GNG4: variants seen among roughly 807,000 people sequenced by gnomAD.
GNG4 encodes guanine nucleotide-binding protein G(I)/G(S)/G(O) subunit gamma-4.
GNG4 carries 4 observed loss-of-function variants against 5.8 expected under a neutral mutation model. The observed-to-expected ratio is 0.69, with a 90% CI of 0.34 to 1.57. The LOEUF (loss-of-function observed/expected upper bound fraction) is 1.57, where lower values mean the gene tolerates loss of function less well. Among genes scored for constraint, GNG4 ranks in the 40% most tolerant of loss-of-function variants. GNG4 has a pLI of 0.06. For synonymous variants in GNG4, 29 were observed against 32.9 expected, an observed-to-expected ratio of 0.88 and a Z score of 0.41; for missense variants, 96 against 95.1, an observed-to-expected ratio of 1.01 and a Z score of -0.04.
In GNG4 at chr1:235,649,311, G is replaced by A. The variant is rs1657596876; in HGVS notation, c.-123+351C>T. The stretch of plus-strand genomic sequence containing the variant: ...CGTCCCCGCTGGGAAAACAGCAAAC[G>A]CTCTGTGACCTACAAATGGAAGAGG... On this transcript the variant is annotated intron_variant, in intron 1 of 3. Transcript: ENST00000391854. This position sits in a 1 kb window ranked among gnomAD's most constrained non-coding sequence, Gnocchi z 5.7. Among the ~76,000 whole-genome samples the A allele has an allele frequency of 1.3e-5, 2 of 152,182 alleles. No individual in the cohort carries two copies. Among genetic ancestry groups the A allele is most frequent in the Non-Finnish European group, 2.9e-5 (2 of 68,022 alleles).
chr1:235,602,480 A>C (rs1688277123), intron 1 of GNG4, among the ~76,000 whole-genome samples: 1 of 152,178 alleles, frequency 6.6e-6, no homozygotes, highest in South Asian at 2.1e-4. Context: ...TGAGAAAGTG[A>C]AATACATTTC....
chr1:235,567,208 A>G (rs1356151452), intron 3 of GNG4, among the ~76,000 whole-genome samples: 1 of 152,160 alleles, frequency 6.6e-6, no homozygotes, highest in Admixed American at 6.6e-5. Context: ...TGCCAGGATT[A>G]CAGACTTGAG....
At position 235,570,862 on chromosome 1, in the gene GNG4, A is replaced by ATGTG. The variant is rs1553365373; in HGVS notation, c.99+12874_99+12877dup. On this transcript the variant is annotated intron_variant, in intron 3 of 3. Transcript: ENST00000391854. The stretch of plus-strand genomic sequence containing the variant: ...CATATCCAGCTAATTATATATATAT[A>ATGTG]TGTGTGTGTGTGTGTGTGTATATGT... Among the ~76,000 whole-genome samples, 357 of 141,578 alleles carry ATGTG rather than the reference A, an allele frequency of 2.5e-3. 1 individual carries two copies. Among genetic ancestry groups the ATGTG allele is most frequent in the African/African-American group, 7.9e-3 (301 of 38,024 alleles). The allele number at this position is 141,578 out of a possible 152,430, so 92.9% of individuals were successfully genotyped here.
intron 2 of GNG4, among the ~76,000 whole-genome samples, chr1:235,593,288 CA>C (rs1294557073): frequency 1.3e-5 from 2 of 152,208 alleles, no homozygotes; most frequent in African/African-American, 4.8e-5. Context: ...TTGCAGCACA[CA>C]ACTCAGTAAA....
intron 1 of GNG4, among the ~76,000 whole-genome samples, chr1:235,647,825 G>A (rs12132565): frequency 1.4e-4 from 22 of 152,062 alleles, no homozygotes; most frequent in Middle Eastern, 3.2e-3. Flanking sequence ...TAGTAGATAC[G>A]GGGTTTCACC....
intron 1 of GNG4, among the ~76,000 whole-genome samples, chr1:235,618,848 G>T (rs533035499): frequency 1.5e-3 from 227 of 151,460 alleles, no homozygotes; most frequent in Non-Finnish European, 2.7e-3. Flanking sequence ...TAGAGACGGG[G>T]TTTCACCATG....
intron 1 of GNG4, among the ~76,000 whole-genome samples, chr1:235,596,491 C>T (rs1688128926): frequency 6.6e-6 from 1 of 152,182 alleles, no homozygotes; most frequent in Admixed American, 6.5e-5. Flanking sequence ...GAGCCAAGAT[C>T]ATGCCTGGGC....
chr1:235,649,812 G>T (rs992393920), upstream of GNG4: 1 of 149,556 alleles, frequency 6.7e-6, no homozygotes, highest in Non-Finnish European at 1.5e-5. This position sits in a 1 kb window ranked among gnomAD's most constrained non-coding sequence, Gnocchi z 5.7. Context: ...GGGTCTCCGC[G>T]TCCCGTCACC....
Position 235,586,819 on chromosome 1 carries a change from T to C in GNG4, c.-10-2971A>G, listed in dbSNP as rs546467703. 8.5e-5 allele frequency among the ~76,000 whole-genome samples: 13 copies of C among 152,352 alleles called. No individual in the cohort carries two copies. In the South Asian group the frequency reaches 2.7e-3, roughly 32 times the overall value. ...TGGCTGCCATGCTTCCTGTACCACC[T>C]GCAGGACCATAAGCCAATTAAACCT... On this transcript the variant is annotated intron_variant, in intron 2 of 3. Transcript: ENST00000391854.
intron 1 of GNG4, among the ~76,000 whole-genome samples, chr1:235,631,645 A>G (rs557672429): frequency 2.0e-5 from 3 of 150,476 alleles, no homozygotes; most frequent in Non-Finnish European, 4.4e-5. Flanking sequence ...ATCTTGGCTC[A>G]GTGCAACCTC....
Position 235,643,646 on chromosome 1 carries a change from G to A in GNG4, c.-123+6016C>T, listed in dbSNP as rs115083013. On this transcript the variant is annotated intron_variant, in intron 1 of 3. Transcript: ENST00000391854. Reference sequence around the variant, plus strand: ...ACACATCGATCGCATCCAGCAGTATGTCTGTATTGGAAAAGTCCTTCCATA... The same window carrying A: ...ACACATCGATCGCATCCAGCAGTATATCTGTATTGGAAAAGTCCTTCCATA... Among the ~76,000 whole-genome samples, 452 of 152,346 alleles carry A rather than the reference G, an allele frequency of 3.0e-3. 3 individuals carry two copies. The highest frequency in any genetic ancestry group is 0.011 in the African/African-American group (442 of 41,584).
chr1:235,601,838 A>G (rs1163723570), intron 1 of GNG4, among the ~76,000 whole-genome samples: 1 of 152,168 alleles, frequency 6.6e-6, no homozygotes, highest in Non-Finnish European at 1.5e-5. Context: ...GGATGTGTCT[A>G]CAGCTTAAGT....
intron 1 of GNG4, among the ~76,000 whole-genome samples, chr1:235,596,896 C>A (rs1558491077): frequency 2.8e-5 from 4 of 144,952 alleles, no homozygotes. Flanking sequence ...CTAATTTTTA[C>A]TTTTTTTTTT....
intron 1 of GNG4, among the ~76,000 whole-genome samples, chr1:235,623,699 C>T (rs1481099342): frequency 6.6e-6 from 1 of 152,148 alleles, no homozygotes; most frequent in Non-Finnish European, 1.5e-5. Flanking sequence ...CTTTCCTGAC[C>T]TCCAGAGGAT....
At chr1:235,649,988 G>A (rs775999179), upstream of GNG4, 628 of 150,428 alleles carry the variant, frequency 4.2e-3, 1 homozygote, top group Non-Finnish European at 6.9e-3. This position sits in a 1 kb window ranked among gnomAD's most constrained non-coding sequence, Gnocchi z 5.7. Context: ...TGCGACCCTC[G>A]CCCCCGTTCC....
chr1:235,628,605 C>T (rs1347670052), intron 1 of GNG4, among the ~76,000 whole-genome samples: 2 of 152,146 alleles, frequency 1.3e-5, no homozygotes, highest in Non-Finnish European at 2.9e-5. Context: ...GATACCTGGT[C>T]CTGTGTAAGT....
intron 3 of GNG4, among the ~76,000 whole-genome samples, chr1:235,582,158 G>C (rs964163158): frequency 6.6e-6 from 1 of 152,094 alleles, no homozygotes; most frequent in Non-Finnish European, 1.5e-5. Context: ...CCCGATTTCT[G>C]CCCCTCCTTG....
intron 1 of GNG4, among the ~76,000 whole-genome samples, chr1:235,618,406 G>A (rs1245515491): frequency 6.6e-6 from 1 of 152,202 alleles, no homozygotes; most frequent in African/African-American, 2.4e-5. Context: ...CCAGCCTCAG[G>A]CACGCTGGAT....
In GNG4 at chr1:235,549,671, T is replaced by A. The variant is rs150032850; in HGVS notation, c.*2438A>T. 139 of 152,294 alleles carry A rather than the reference T, an allele frequency of 9.1e-4. No homozygotes were observed. The highest frequency in any genetic ancestry group is 3.1e-3 in the African/African-American group (127 of 41,548). 9.4% of individuals were successfully genotyped at this position (152,294 alleles called of 1,614,324 possible). A position where few individuals can be genotyped will look rare whatever the true frequency, so the allele number is the denominator to read the frequency against. On this transcript the variant is annotated 3_prime_UTR_variant, in exon 4 of 4. Transcript: ENST00000391854. ...ATCTTAACAACACTGGTATTATTAG[T>A]GAGCTGATAATGAAACTAAGAATGA... is the stretch of plus-strand genomic sequence containing the variant.
Sources: gnomAD v4.1 joint callset for allele counts (sites outside exome capture counted in the v4.1 genomes callset) on GRCh38, gnomAD v4.1.1 for gene constraint, Gnocchi (gnomAD v3.1) non-coding constraint, MANE v1.5 for transcripts, NCBI Gene and HGNC (gene_info 2026-07-23, HGNC 2026-07-21) for gene names.